GRID1: variants seen among roughly 807,000 people sequenced by gnomAD.
GRID1 encodes the protein glutamate ionotropic receptor delta type subunit 1.
A neutral mutation model predicts 98.0 loss-of-function variants in GRID1; 28 were observed. That is an observed-to-expected ratio of 0.29 (90% confidence interval 0.21 to 0.39). The LOEUF (loss-of-function observed/expected upper bound fraction) is 0.39. Ranked by LOEUF, GRID1 falls within the 10% of genes least tolerant of loss-of-function variation. The pLI is 1.00. For missense variants in GRID1, 1,111 were observed against 1,340.5 expected (o/e 0.83, Z 2.67); for synonymous variants, 553 against 538.5 (o/e 1.03, Z -0.37).
chr10:85,665,266 G>A (rs1841006476), intron 12 of GRID1, among the ~76,000 whole-genome samples: 1 of 152,140 alleles, frequency 6.6e-6, no homozygotes, highest in Non-Finnish European at 1.5e-5. Flanking sequence ...GTTTACAGCT[G>A]TGGGGTTCAG....
chr10:85,796,212 A>G (rs1842524736), intron 8 of GRID1, among the ~76,000 whole-genome samples: 1 of 152,222 alleles, frequency 6.6e-6, no homozygotes, highest in African/African-American at 2.4e-5. Context: ...AAAACCCACA[A>G]AACTTTGACA....
At chr10:86,140,310 C>T (rs975904636) in intron 3 of GRID1, among the ~76,000 whole-genome samples, 2 of 152,258 alleles carry the variant, frequency 1.3e-5, no homozygotes, top group Non-Finnish European at 2.9e-5. Context: ...CCCACAGGCA[C>T]GGCCTGGCCC....
intron 4 of GRID1, among the ~76,000 whole-genome samples, chr10:85,997,693 G>C (rs547517414): frequency 6.6e-6 from 1 of 151,856 alleles, no homozygotes; most frequent in African/African-American, 2.4e-5. Context: ...CAGAAAACAA[G>C]AAAAGGGAAG....
chr10:85,936,072 G>A (rs78277397), intron 4 of GRID1, among the ~76,000 whole-genome samples: 7,131 of 152,146 alleles, frequency 0.047, 546 homozygotes, highest in African/African-American at 0.16. Flanking sequence ...TGGTGTAGGG[G>A]TTCTATGGAG....
At chr10:85,875,037 A>G (rs866551422) in intron 5 of GRID1, among the ~76,000 whole-genome samples, 2 of 151,396 alleles carry the variant, frequency 1.3e-5, no homozygotes, top group African/African-American at 4.9e-5. Context: ...GGCTATTTTT[A>G]TTTTTATTTT....
Position 86,176,688 on chromosome 10 carries a change from A to G in GRID1, c.520+29676T>C, listed in dbSNP as rs546172633. Among the ~76,000 whole-genome samples, 9 of 152,362 alleles carry G rather than the reference A, an allele frequency of 5.9e-5. No homozygotes were observed. The South Asian group carries it at 1.9e-3, about 32-fold the overall frequency. On this transcript the variant is annotated intron_variant, in intron 3 of 15. Transcript: ENST00000327946. The stretch of plus-strand genomic sequence containing the variant: ...TTTTCAAGCTTGGATCTGACTAATC[A>G]GACTCATATTCCCAAGTCTCCTCTG...
chr10:85,721,102 A>C lies in GRID1; in HGVS notation c.1997+1901T>G, dbSNP rs139228991. ...ATAAGCACAAAAAAAGGTGTGCAAC[A>C]TCATTAGTCATTCAGGAATTGCAAA... On this transcript the variant is annotated intron_variant, in intron 12 of 15. Transcript: ENST00000327946. 5.9e-5 allele frequency among the ~76,000 whole-genome samples: 9 copies of C among 152,344 alleles called. No individual in the cohort carries two copies. The East Asian group carries it at 1.5e-3, about 26-fold the overall frequency.
At chr10:86,032,586 C>T (rs897664614) in intron 4 of GRID1, among the ~76,000 whole-genome samples, 5 of 152,182 alleles carry the variant, frequency 3.3e-5, no homozygotes, top group African/African-American at 9.6e-5. Flanking sequence ...GGATTAAGGG[C>T]GGTGCAAGAT....
chr10:85,729,500 C>G lies in GRID1; in HGVS notation c.1335+13G>C, dbSNP rs369718207. The G allele has an allele frequency of 6.3e-5, 96 of 1,514,240 alleles. No individual in the cohort carries two copies. The highest frequency in any genetic ancestry group is 8.1e-5 in the Non-Finnish European group (88 of 1,090,820). The allele number at this position is 1,514,240 out of a possible 1,614,324, so 93.8% of individuals were successfully genotyped here. On this transcript the variant is annotated intron_variant, in intron 9 of 15. Transcript: ENST00000327946. ...TGGTGTAGCTCGCTCCCAGAATGTCCCCATGATCCTACCAAGACAGTCACC... is the reference window on the plus strand; with the variant it reads ...TGGTGTAGCTCGCTCCCAGAATGTCGCCATGATCCTACCAAGACAGTCACC...
In GRID1 at chr10:85,602,377, A is replaced by G; in HGVS notation, c.2926T>C (p.Phe976Leu). 1 of 1,606,636 alleles carries G rather than the reference A, an allele frequency of 6.2e-7. No individual in the cohort carries two copies. Among genetic ancestry groups the G allele is most frequent in the South Asian group, 1.1e-5 (1 of 90,716 alleles). The change falls in exon 16 of 16, where the codon TTC becomes CTC. Residue 976 changes from phenylalanine to leucine, a missense_variant. By Grantham distance (22) the Phe-to-Leu change is conservative (BLOSUM62 0). Transcript: ENST00000327946. ...CKHRSPNGGL[F>L]RQSPVKTPIP... Reference sequence around the variant, plus strand: ...GGGGTCTTCACCGGGCTCTGCCGGAACAGCCCCCCGTTGGGTGACCTGTGT... The same window carrying G: ...GGGGTCTTCACCGGGCTCTGCCGGAGCAGCCCCCCGTTGGGTGACCTGTGT...
chr10:85,902,187 T>A (rs1201433800), intron 5 of GRID1, among the ~76,000 whole-genome samples: 9 of 152,210 alleles, frequency 5.9e-5, no homozygotes, highest in Admixed American at 5.9e-4. Flanking sequence ...AAACTGCAGA[T>A]AGTACCAAAC....
intron 8 of GRID1, among the ~76,000 whole-genome samples, chr10:85,795,985 G>T (rs994423746): frequency 6.6e-6 from 1 of 152,140 alleles, no homozygotes; most frequent in African/African-American, 2.4e-5. Context: ...GGGGAGTTAA[G>T]GGAGGGTTGC....
At chr10:85,745,685 C>A in intron 8 of GRID1, among the ~76,000 whole-genome samples, 1 of 141,834 alleles carries the variant, frequency 7.1e-6, no homozygotes, top group African/African-American at 2.7e-5. Flanking sequence ...AACTAACCTG[C>A]ACAATGTGCA....
chr10:85,852,014 C>T (rs905040315), intron 8 of GRID1, among the ~76,000 whole-genome samples: 4 of 152,076 alleles, frequency 2.6e-5, no homozygotes, highest in Non-Finnish European at 4.4e-5. Flanking sequence ...TGCTGCCCTA[C>T]CCCCATGATA....
At chr10:85,637,613 T>C (rs1453187544) in intron 13 of GRID1, among the ~76,000 whole-genome samples, 5 of 152,218 alleles carry the variant, frequency 3.3e-5, no homozygotes, top group Admixed American at 1.3e-4. Flanking sequence ...GAAATAAATG[T>C]GGGTTTTGTT....
intron 12 of GRID1, among the ~76,000 whole-genome samples, chr10:85,691,993 G>A (rs1564561171): frequency 2.6e-5 from 4 of 151,952 alleles, no homozygotes; most frequent in Admixed American, 6.6e-5. Context: ...ATCACACTGT[G>A]CAATGAGCTG....
intron 12 of GRID1, among the ~76,000 whole-genome samples, chr10:85,698,403 T>TA: frequency 6.6e-6 from 1 of 152,296 alleles, no homozygotes; most frequent in East Asian, 1.9e-4. Flanking sequence ...CAGGTGTTAT[T>TA]AAAAATCCAT....
chr10:85,727,281 T>A (rs1038175504), intron 10 of GRID1, among the ~76,000 whole-genome samples: 1 of 152,088 alleles, frequency 6.6e-6, no homozygotes, highest in African/African-American at 2.4e-5. Context: ...TGATAAATAA[T>A]CATGGGGAAA....
chr10:85,954,510 A>G (rs1447164864), intron 4 of GRID1, among the ~76,000 whole-genome samples: 2 of 152,226 alleles, frequency 1.3e-5, no homozygotes, highest in South Asian at 2.1e-4. Context: ...AGGCAACCAA[A>G]AAAAGCCTTT....
Sources: allele counts gnomAD v4.1 joint callset (sites outside exome capture counted in the v4.1 genomes callset), GRCh38; gene constraint gnomAD v4.1.1; transcripts MANE v1.5; gene names NCBI Gene and HGNC (gene_info 2026-07-23, HGNC 2026-07-21).